Variants in ARID3B observed in about 807,000 individuals in gnomAD.
ARID3B encodes the protein AT-rich interactive domain-containing protein 3B.
In ARID3B, 10 loss-of-function variants were observed where a neutral mutation model predicts 51.9. The ratio of observed to expected loss-of-function variants is 0.19; its 90% confidence interval spans 0.12 to 0.33. ARID3B has a LOEUF of 0.33. Ranked by LOEUF, ARID3B falls within the 10% of genes least tolerant of loss-of-function variation. The probability of loss-of-function intolerance (pLI) is 1.00; values close to 1 mark genes in which losing one functional copy is unlikely to be tolerated. For synonymous variants in ARID3B, 205 were observed against 279.5 expected (o/e 0.73, Z 2.66); for missense variants, 483 against 716.3 (o/e 0.67, Z 3.72).
Position 74,598,077 on chromosome 15 carries a change from A to T in ARID3B, c.*2303A>T. The T allele has an allele frequency of 1.9e-6, 1 of 519,314 alleles. No individual in the cohort carries two copies. The highest frequency in any genetic ancestry group is 2.3e-5 in the Admixed American group (1 of 44,170). The allele number at this position is 519,314 out of a possible 1,614,324, so 32.2% of individuals were successfully genotyped here. A position where few individuals can be genotyped will look rare whatever the true frequency, so the allele number is the denominator to read the frequency against. On this transcript the variant is annotated 3_prime_UTR_variant, in exon 9 of 9. Coordinates refer to ENST00000346246, the MANE Select transcript of ARID3B (RefSeq NM_006465.4). ...TGTCTATATGTTGTGGTTATTTTCTATCTTACATGTTCTCGAATGTTTATA... is the reference window on the plus strand; with the variant it reads ...TGTCTATATGTTGTGGTTATTTTCTTTCTTACATGTTCTCGAATGTTTATA...
At position 74,593,436 on chromosome 15, in the gene ARID3B, A is replaced by C. The variant is rs560621580; in HGVS notation, c.1519+200A>C. On this transcript the variant is annotated intron_variant, in intron 8 of 8. Coordinates refer to ENST00000346246, the MANE Select transcript of ARID3B (RefSeq NM_006465.4). ...GTTAACAGGATGATAGGTCCCTCCC[A>C]CTTTGGCAGAAACCCTTCACCTAAC... is the stretch of plus-strand genomic sequence containing the variant. Among the ~76,000 whole-genome samples, 7 of 152,238 alleles carry C rather than the reference A, an allele frequency of 4.6e-5. No individual in the cohort carries two copies. The East Asian group carries it at 1.4e-3, about 29-fold the overall frequency.
intron 2 of ARID3B, among the ~76,000 whole-genome samples, chr15:74,562,705 G>GCTT (rs951825684): frequency 8.5e-5 from 13 of 152,174 alleles, no homozygotes; most frequent in African/African-American, 3.1e-4. Context: ...TGCTGCTGCT[G>GCTT]TTTTTATTGT....
At chr15:74,555,261 T>C (rs1443596464) in intron 2 of ARID3B, among the ~76,000 whole-genome samples, 2 of 152,168 alleles carry the variant, frequency 1.3e-5, no homozygotes, top group Non-Finnish European at 2.9e-5. Context: ...AGGTGCTGGG[T>C]ACTGAAGCTT....
At chr15:74,579,364 G>C (rs1330104449) in intron 4 of ARID3B, among the ~76,000 whole-genome samples, 2 of 152,164 alleles carry the variant, frequency 1.3e-5, no homozygotes, top group East Asian at 3.9e-4. Context: ...AGTGCCCTGT[G>C]GGGGTGGAAA....
chr15:74,587,568 G>C (rs1284761995), intron 4 of ARID3B, among the ~76,000 whole-genome samples: 1 of 152,196 alleles, frequency 6.6e-6, no homozygotes, highest in African/African-American at 2.4e-5. Flanking sequence ...GGAGCTTCCG[G>C]AAATGTGAGC....
chr15:74,561,269 C>T (rs2061678778), intron 2 of ARID3B, among the ~76,000 whole-genome samples: 2 of 152,090 alleles, frequency 1.3e-5, no homozygotes, highest in Admixed American at 1.3e-4. Flanking sequence ...AATCGTAGCT[C>T]TTTACTACAT....
At chr15:74,559,690 T>G (rs1237440304) in intron 2 of ARID3B, among the ~76,000 whole-genome samples, 1 of 152,130 alleles carries the variant, frequency 6.6e-6, no homozygotes, top group Non-Finnish European at 1.5e-5. Flanking sequence ...AATCTTTCCT[T>G]AGTGGTTTTA....
intron 2 of ARID3B, among the ~76,000 whole-genome samples, chr15:74,550,525 C>T (rs1370905796): frequency 2.0e-5 from 3 of 151,230 alleles, no homozygotes; most frequent in Middle Eastern, 3.2e-3. Flanking sequence ...ACATCATCTC[C>T]GTCTCTACTA....
chr15:74,577,949 C>G (rs2061744017), intron 4 of ARID3B, among the ~76,000 whole-genome samples: 2 of 152,140 alleles, frequency 1.3e-5, no homozygotes, highest in African/African-American at 4.8e-5. Context: ...CCTTCCCATC[C>G]CGGGTTCAAG....
At chr15:74,594,842 G>A (rs1045200950) in intron 8 of ARID3B, among the ~76,000 whole-genome samples, 2 of 152,234 alleles carry the variant, frequency 1.3e-5, no homozygotes, top group African/African-American at 4.8e-5. Flanking sequence ...AGGAGGTGGG[G>A]CCTGGTGCCC....
intron 2 of ARID3B, among the ~76,000 whole-genome samples, chr15:74,560,033 A>AAAAAAAAAAAAAAAAAAAAAAAAAAAAAC: frequency 7.1e-6 from 1 of 140,698 alleles, no homozygotes; most frequent in African/African-American, 2.6e-5. Flanking sequence ...GTCTCTACTA[A>AAAAAAAAAAAAAAAAAAAAAAAAAAAAAC]AAAAAAAACC....
At chr15:74,556,968 G>T (rs1280444288) in intron 2 of ARID3B, among the ~76,000 whole-genome samples, 3 of 151,110 alleles carry the variant, frequency 2.0e-5, no homozygotes, top group Non-Finnish European at 4.4e-5. Flanking sequence ...GTAGAGACAG[G>T]GTTTCACCAT....
Position 74,570,239 on chromosome 15 carries a change from C to A in ARID3B, c.553-2623C>A, listed in dbSNP as rs532903774. 3.3e-5 allele frequency among the ~76,000 whole-genome samples: 5 copies of A among 152,200 alleles called. No individual in the cohort carries two copies. In the South Asian group the frequency reaches 1.0e-3, roughly 32 times the overall value. On this transcript the variant is annotated intron_variant, in intron 2 of 8. Transcript: ENST00000346246. Reference sequence around the variant, plus strand: ...CCTACCAGCCCCAGCCCCCATCCTGCCAAGGCATTCTCCATGTGTGGAGCC... The same window carrying A: ...CCTACCAGCCCCAGCCCCCATCCTGACAAGGCATTCTCCATGTGTGGAGCC...
At chr15:74,541,654 A>G (rs956091828) in intron 1 of ARID3B, among the ~76,000 whole-genome samples, 1 of 140,748 alleles carries the variant, frequency 7.1e-6, no homozygotes, top group African/African-American at 2.7e-5. Context: ...GGTAAAAATG[A>G]TAGGGCTGAA....
intron 4 of ARID3B, among the ~76,000 whole-genome samples, chr15:74,579,875 G>GCA (rs2061753629): frequency 2.4e-5 from 3 of 124,610 alleles, no homozygotes; most frequent in Non-Finnish European, 4.7e-5. Flanking sequence ...GTGTGTGTGC[G>GCA]CGCGCGCGCA....
intron 2 of ARID3B, among the ~76,000 whole-genome samples, chr15:74,562,194 T>C (rs2061681760): frequency 6.6e-6 from 1 of 152,072 alleles, no homozygotes; most frequent in Admixed American, 6.5e-5. Context: ...CAGGCTGGAG[T>C]GCAATAGCAC....
chr15:74,591,632 A>G lies in ARID3B; in HGVS notation c.1238A>G (p.Gln413Arg), dbSNP rs2061803713. ...GTGCCCGTGACCTTGGCAAGCCAGC[A>G]GGCTGGTACTCGGACCGCCGCACTG... Reference protein sequence around the residue: ...LAVPVTLASQQAGTRTAALEQ... With the variant: ...LAVPVTLASQRAGTRTAALEQ... Residue 413 changes from glutamine (Q) to arginine (R), a missense_variant, in exon 7 of 9, where the codon CAG (glutamine) becomes CGG (arginine). Transcript: ENST00000346246. The surrounding 1 kb of genome is among the most constrained non-coding windows in gnomAD (Gnocchi z 5.8). 2.5e-6 allele frequency: 4 copies of G among 1,603,788 alleles called. No homozygotes were observed. Among genetic ancestry groups the G allele is most frequent in the Non-Finnish European group, 3.4e-6 (4 of 1,175,044 alleles).
At chr15:74,584,692 AT>A (rs1330628818) in intron 4 of ARID3B, among the ~76,000 whole-genome samples, 2 of 152,118 alleles carry the variant, frequency 1.3e-5, no homozygotes, top group Non-Finnish European at 2.9e-5. Flanking sequence ...CCTCACCCCT[AT>A]CCCCAGCTAC....
chr15:74,566,400 G>T (rs938538693), intron 2 of ARID3B, among the ~76,000 whole-genome samples: 5 of 152,024 alleles, frequency 3.3e-5, no homozygotes, highest in African/African-American at 1.2e-4. Flanking sequence ...AGGAGTTTGA[G>T]ACCAGCCTGG....
Sources: allele counts gnomAD v4.1 joint callset (sites outside exome capture counted in the v4.1 genomes callset), GRCh38; gene constraint gnomAD v4.1.1; non-coding constraint Gnocchi (gnomAD v3.1); transcripts MANE v1.5; gene names NCBI Gene and HGNC (gene_info 2026-07-23, HGNC 2026-07-21).